The following EXOC2 variants were observed in gnomAD, a reference collection of about 807,000 sequenced individuals.
The protein encoded by EXOC2 is exocyst complex component 2.
In EXOC2, 70 loss-of-function variants were observed where a neutral mutation model predicts 131.8. The ratio of observed to expected loss-of-function variants is 0.53; its 90% CI spans 0.44 to 0.65. The LOEUF (loss-of-function observed/expected upper bound fraction) is 0.65, where lower values mean the gene tolerates loss of function less well. EXOC2 is among the 30% of genes least tolerant of loss of function. EXOC2 has a pLI of 0.00. For synonymous variants in EXOC2, 411 were observed against 398.4 expected (o/e 1.03, Z -0.38); for missense variants, 923 against 1,108.6 (o/e 0.83, Z 2.38).
intron 1 of EXOC2, among the ~76,000 whole-genome samples, chr6:651,543 A>G (rs1356546980): frequency 1.3e-5 from 2 of 151,908 alleles, no homozygotes; most frequent in Non-Finnish European, 2.9e-5. Flanking sequence ...AATCCCAGCT[A>G]CTCGGGAAGC....
At chr6:549,990 A>AC (rs1757061421) in intron 21 of EXOC2, among the ~76,000 whole-genome samples, 1 of 152,242 alleles carries the variant, frequency 6.6e-6, no homozygotes, top group Non-Finnish European at 1.5e-5. Context: ...TACGAAAACT[A>AC]CCAGACACAA....
chr6:655,399 T>A (rs911878341), intron 1 of EXOC2, among the ~76,000 whole-genome samples: 1 of 152,250 alleles, frequency 6.6e-6, no homozygotes, highest in Admixed American at 6.5e-5. Context: ...ATAACTTTTA[T>A]ATGTACTGAA....
At chr6:573,711 AATTT>A (rs759952625) in intron 12 of EXOC2, among the ~76,000 whole-genome samples, 2 of 151,760 alleles carry the variant, frequency 1.3e-5, no homozygotes, top group Non-Finnish European at 2.9e-5. Flanking sequence ...TTGTATTAAT[AATTT>A]ATTAATGATT....
chr6:495,415 C>T (rs181098780), intron 25 of EXOC2, among the ~76,000 whole-genome samples: 167 of 151,860 alleles, frequency 1.1e-3, no homozygotes, highest in African/African-American at 3.6e-3. Context: ...TGAGCCACCG[C>T]GCCCGGCCTG....
chr6:658,460 C>T (rs954991179), intron 1 of EXOC2, among the ~76,000 whole-genome samples: 10 of 151,600 alleles, frequency 6.6e-5, no homozygotes, highest in Admixed American at 3.9e-4. Context: ...CTTTGTTTGC[C>T]GTCTAGCTCT....
At chr6:631,316 A>C (rs1281664827) in intron 3 of EXOC2, among the ~76,000 whole-genome samples, 1 of 152,056 alleles carries the variant, frequency 6.6e-6, no homozygotes, top group African/African-American at 2.4e-5. Context: ...GAGGTGGGCG[A>C]ATCACAAGGT....
Position 535,563 on chromosome 6 carries a change from T to G in EXOC2, c.2239-2953A>C, listed in dbSNP as rs540943968. ...ATTACAGTTTTATGCCATCAAGTCT[T>G]GACAACATAGAGGAAATTGCTAATC... On this transcript the variant is annotated intron_variant, in intron 22 of 27. Coordinates refer to ENST00000230449, the MANE Select transcript of EXOC2 (RefSeq NM_018303.6). 2.6e-5 allele frequency among the ~76,000 whole-genome samples: 4 copies of G among 152,310 alleles called. No individual in the cohort carries two copies. The South Asian group carries it at 8.3e-4, about 32-fold the overall frequency.
chr6:582,311 C>T (rs1472), intron 11 of EXOC2, among the ~76,000 whole-genome samples: 17,849 of 152,064 alleles, frequency 0.12, 1,224 homozygotes, highest in Middle Eastern at 0.15. Flanking sequence ...AGCCTGCAGA[C>T]ACGGAGCCAG....
At chr6:613,531 CA>C (rs748045059) in intron 6 of EXOC2, among the ~76,000 whole-genome samples, 1 of 152,240 alleles carries the variant, frequency 6.6e-6, no homozygotes, top group Non-Finnish European at 1.5e-5. Context: ...CACTGGAACA[CA>C]AGGATGGCAC....
Position 632,957 on chromosome 6 carries a change from G to C in EXOC2, c.279C>G (p.Leu93=), listed in dbSNP as rs1761926092. The C allele has an allele frequency of 6.2e-7, 1 of 1,612,302 alleles. No homozygotes were observed. Among genetic ancestry groups the C allele is most frequent in the African/African-American group, 1.3e-5 (1 of 74,936 alleles). Reference sequence around the variant, plus strand: ...AGACTTTACCTATTTTCTCAGGTTTGAGTAGCTTGAAAGAGACTGTTGAGG... The same window carrying C: ...AGACTTTACCTATTTTCTCAGGTTTCAGTAGCTTGAAAGAGACTGTTGAGG... The part of the protein sequence containing the change: ...RGTSTVSFKL[L]KPEKIGILDQ... The change falls in exon 3 of 28, where the codon CTC becomes CTG. Residue 93 remains leucine (L), a synonymous_variant. Transcript: ENST00000230449.
intron 1 of EXOC2, among the ~76,000 whole-genome samples, chr6:648,571 C>G (rs1225669009): frequency 1.3e-5 from 2 of 152,166 alleles, no homozygotes; most frequent in Admixed American, 1.3e-4. Flanking sequence ...AAAAGTCTGA[C>G]TTTGCCTGTC....
chr6:550,872 T>C (rs1002978079), intron 21 of EXOC2, among the ~76,000 whole-genome samples: 5 of 152,156 alleles, frequency 3.3e-5, no homozygotes, highest in African/African-American at 4.8e-5. Flanking sequence ...CAGAGTCAAG[T>C]CTCCTTATCT....
chr6:564,011 T>G (rs748806902), intron 16 of EXOC2, 22 bp downstream of exon 16: 1 of 1,611,724 alleles, frequency 6.2e-7, no homozygotes, highest in African/African-American at 1.3e-5. Context: ...ACAGTGAACG[T>G]CACCGATTTA....
intron 8 of EXOC2, 34 bp downstream of exon 8, chr6:599,046 C>T (rs75603238): frequency 0.049 from 77,012 of 1,582,492 alleles, 3,324 homozygotes; most frequent in African/African-American, 0.21. Context: ...ATGACATCTA[C>T]AACCATATGT....
At chr6:615,515 T>C (rs1223216182) in intron 6 of EXOC2, among the ~76,000 whole-genome samples, 1 of 152,168 alleles carries the variant, frequency 6.6e-6, no homozygotes, top group African/African-American at 2.4e-5. Context: ...ACAAATGACC[T>C]TGTTTCTTCA....
chr6:546,690 A>G (rs1442638304), intron 22 of EXOC2, among the ~76,000 whole-genome samples: 1 of 152,236 alleles, frequency 6.6e-6, no homozygotes, highest in Non-Finnish European at 1.5e-5. Flanking sequence ...TAGTGTTAAT[A>G]TATTTTGTCT....
At chr6:636,528 C>T (rs1233954461) in intron 2 of EXOC2, among the ~76,000 whole-genome samples, 2 of 152,198 alleles carry the variant, frequency 1.3e-5, no homozygotes, top group Non-Finnish European at 1.5e-5. Context: ...AAACACAGTG[C>T]TGAGCTCCCG....
rs1008748735 is a variant in EXOC2 at position 636,435 on chromosome 6, C to T, written c.118+1266G>A. ...GGTATTCCTTCATTTGGAGAGATGC[C>T]GGTCACAGTTAGAGAAAACAATATC... On this transcript the variant is annotated intron_variant, in intron 2 of 27. Coordinates refer to ENST00000230449, the MANE Select transcript of EXOC2 (RefSeq NM_018303.6). Among the ~76,000 whole-genome samples, 9 of 152,178 alleles carry T rather than the reference C, an allele frequency of 5.9e-5. 1 individual carries two copies. Among genetic ancestry groups the T allele is most frequent in the Admixed American group, 5.2e-4 (8 of 15,280 alleles).
At chr6:567,647 C>T (rs1171926774) in intron 13 of EXOC2, among the ~76,000 whole-genome samples, 1 of 152,030 alleles carries the variant, frequency 6.6e-6, no homozygotes, top group East Asian at 1.9e-4. Context: ...TCATACATGT[C>T]TACATACGTG....
Sources: allele counts gnomAD v4.1 joint callset (sites outside exome capture counted in the v4.1 genomes callset), GRCh38; gene constraint gnomAD v4.1.1; transcripts MANE v1.5; gene names NCBI Gene and HGNC (gene_info 2026-07-23, HGNC 2026-07-21).